The following CNTN5 variants were observed in gnomAD, a reference collection of about 807,000 sequenced individuals.
CNTN5 encodes contactin 5.
Under a neutral mutation model 129.1 loss-of-function variants are expected in CNTN5, and 77 were observed. The observed-to-expected ratio is 0.60, with a 90% CI of 0.50 to 0.72. The LOEUF is 0.72. Among genes scored for constraint, CNTN5 ranks in the 30% least tolerant of loss-of-function variants. CNTN5 has a pLI of 0.00. For missense variants in CNTN5, 1,478 were observed against 1,328.8 expected, an observed-to-expected ratio of 1.11 and a Z score of -1.75; for synonymous variants, 509 against 465.6, an observed-to-expected ratio of 1.09 and a Z score of -1.20.
intron 2 of CNTN5, among the ~76,000 whole-genome samples, chr11:99,455,576 T>C (rs111464261): frequency 0.012 from 1,876 of 152,190 alleles, 43 homozygotes; most frequent in African/African-American, 0.043. Context: ...TTGTGGTCAA[T>C]AGTGTCACGG....
intron 1 of CNTN5, among the ~76,000 whole-genome samples, chr11:99,237,591 G>C (rs1352170497): frequency 6.6e-6 from 1 of 152,052 alleles, no homozygotes; most frequent in Non-Finnish European, 1.5e-5. Context: ...TGAGGCAGGG[G>C]AATCGTTTGA....
At chr11:99,677,754 A>C (rs79544904) in intron 3 of CNTN5, among the ~76,000 whole-genome samples, 2 of 152,104 alleles carry the variant, frequency 1.3e-5, no homozygotes, top group Non-Finnish European at 2.9e-5. Context: ...TGGTGATTAC[A>C]GTATAAATAC....
intron 1 of CNTN5, among the ~76,000 whole-genome samples, chr11:99,165,622 G>A (rs1860831004): frequency 6.6e-6 from 1 of 152,174 alleles, no homozygotes; most frequent in Admixed American, 6.5e-5. Flanking sequence ...ACATAGTAAT[G>A]CAGAGAGAGG....
intron 1 of CNTN5, among the ~76,000 whole-genome samples, chr11:99,156,622 A>G (rs1376395693): frequency 2.0e-5 from 3 of 152,016 alleles, no homozygotes; most frequent in Non-Finnish European, 4.4e-5. Flanking sequence ...AAATACGAAA[A>G]TTAGCATTTC....
At chr11:100,273,626 A>G (rs1950448425) in intron 18 of CNTN5, among the ~76,000 whole-genome samples, 1 of 152,128 alleles carries the variant, frequency 6.6e-6, no homozygotes, top group African/African-American at 2.4e-5. Flanking sequence ...CTCCAGTGCA[A>G]GCAGGCACAC....
At chr11:100,224,540 A>G (rs1949332534) in intron 15 of CNTN5, among the ~76,000 whole-genome samples, 152 bp from the exon 16 acceptor site, 1 of 152,188 alleles carries the variant, frequency 6.6e-6, no homozygotes, top group Non-Finnish European at 1.5e-5. Flanking sequence ...TGTGTTCCTT[A>G]AAAAAGGGCA....
At chr11:100,046,747 T>G (rs1024979354) in intron 9 of CNTN5, among the ~76,000 whole-genome samples, 1 of 152,140 alleles carries the variant, frequency 6.6e-6, no homozygotes, top group Non-Finnish European at 1.5e-5. Flanking sequence ...GCAGGGTAGT[T>G]TGTACCATAT....
At chr11:99,956,751 G>A (rs537252996) in intron 7 of CNTN5, 55 bp from the exon 8 acceptor site, 2 of 1,319,594 alleles carry the variant, frequency 1.5e-6, no homozygotes, top group Admixed American at 3.4e-5. Flanking sequence ...TTTGAGCTTT[G>A]TCTGTTAATG....
At chr11:100,111,752 C>T (rs1945664557) in intron 13 of CNTN5, among the ~76,000 whole-genome samples, 1 of 152,116 alleles carries the variant, frequency 6.6e-6, no homozygotes, top group Non-Finnish European at 1.5e-5. Context: ...TCTCATTCAT[C>T]TTAACCGAAA....
intron 3 of CNTN5, among the ~76,000 whole-genome samples, chr11:99,731,131 C>T (rs532695237): frequency 2.0e-5 from 3 of 150,340 alleles, no homozygotes; most frequent in Admixed American, 6.7e-5. Context: ...TTTTTTGAGA[C>T]GGAGTCTTGC....
At chr11:99,247,048 A>G (rs149213207) in intron 1 of CNTN5, among the ~76,000 whole-genome samples, 399 of 152,298 alleles carry the variant, frequency 2.6e-3, no homozygotes, top group Non-Finnish European at 4.6e-3. Context: ...AGTCAAAATG[A>G]CATAACTTAA....
At chr11:100,051,478 A>C (rs1412633054) in intron 9 of CNTN5, among the ~76,000 whole-genome samples, 1 of 152,054 alleles carries the variant, frequency 6.6e-6, no homozygotes, top group Non-Finnish European at 1.5e-5. Context: ...TGTGTGATAT[A>C]GTTAAAGCAA....
intron 6 of CNTN5, among the ~76,000 whole-genome samples, chr11:99,905,402 T>C (rs1427910378): frequency 1.3e-5 from 2 of 152,218 alleles, no homozygotes; most frequent in Non-Finnish European, 2.9e-5. Context: ...AGAAAATTCT[T>C]TCCCCATGGC....
chr11:99,300,187 C>T (rs1468027300), intron 1 of CNTN5, among the ~76,000 whole-genome samples: 2 of 152,030 alleles, frequency 1.3e-5, no homozygotes, highest in East Asian at 3.8e-4. Flanking sequence ...GGCGTCCTTG[C>T]CTTGTTCCAC....
rs747621708 is a variant in CNTN5 at position 100,070,564 on chromosome 11, C to T, written c.1299+4C>T. The T allele has an allele frequency of 8.7e-6, 14 of 1,612,544 alleles. No individual in the cohort carries two copies. The highest frequency in any genetic ancestry group is 1.7e-5 in the Admixed American group (1 of 59,876). On this transcript the variant is annotated splice_donor_region_variant and intron_variant, in intron 11 of 24. Coordinates refer to ENST00000524871, the MANE Select transcript of CNTN5 (RefSeq NM_014361.4). The stretch of plus-strand genomic sequence containing the variant: ...TGGAGTACCCCTCTCACCTCAGGTA[C>T]TGTTGGGAGTTATTAACCTGTTCTG...
intron 8 of CNTN5, among the ~76,000 whole-genome samples, chr11:99,996,964 G>A (rs1939490827): frequency 2.6e-5 from 4 of 152,018 alleles, no homozygotes; most frequent in Admixed American, 2.6e-4. Flanking sequence ...TGAGATTTTG[G>A]TGGGGACACA....
At chr11:100,037,488 G>T (rs964796858) in intron 9 of CNTN5, among the ~76,000 whole-genome samples, 1 of 152,048 alleles carries the variant, frequency 6.6e-6, no homozygotes, top group African/African-American at 2.4e-5. Context: ...CTCATAAAAT[G>T]AGTTAGGGAG....
At chr11:99,592,136 G>A (rs990580704) in intron 3 of CNTN5, among the ~76,000 whole-genome samples, 1 of 152,166 alleles carries the variant, frequency 6.6e-6, no homozygotes, top group Non-Finnish European at 1.5e-5. Context: ...CTAAACAGAG[G>A]TTGCTTAGGT....
chr11:99,033,431 TC>T (rs1863511291), intron 1 of CNTN5, among the ~76,000 whole-genome samples: 1 of 152,222 alleles, frequency 6.6e-6, no homozygotes, highest in Admixed American at 6.5e-5. Context: ...GTTTGTGTCC[TC>T]TTTTATTTCA....
Sources: gnomAD v4.1 joint callset for allele counts (sites outside exome capture counted in the v4.1 genomes callset) on GRCh38, gnomAD v4.1.1 for gene constraint, MANE v1.5 for transcripts, NCBI Gene and HGNC (gene_info 2026-07-23, HGNC 2026-07-21) for gene names.